LAMA2: variants seen among roughly 807,000 people sequenced by gnomAD.
The protein encoded by LAMA2 is laminin subunit alpha 2, also known as laminin subunit alpha-2.
A neutral mutation model predicts 364.8 loss-of-function variants in LAMA2; 269 were observed. That is an observed-to-expected ratio of 0.74 (90% CI 0.67 to 0.82). The LOEUF (loss-of-function observed/expected upper bound fraction) is 0.82, where lower values mean the gene tolerates loss of function less well. LAMA2 is among the 40% of genes least tolerant of loss of function. The probability of loss-of-function intolerance (pLI) is 0.00; values close to 1 mark genes in which losing one functional copy is unlikely to be tolerated. For missense variants in LAMA2, 3,807 were observed against 3,873.2 expected, an observed-to-expected ratio of 0.98 and a Z score of 0.45; for synonymous variants, 1,379 against 1,370.6, an observed-to-expected ratio of 1.01 and a Z score of -0.14.
intron 1 of LAMA2, among the ~76,000 whole-genome samples, chr6:128,995,536 C>T (rs745587676): frequency 2.6e-5 from 4 of 152,146 alleles, no homozygotes; most frequent in Non-Finnish European, 4.4e-5. Flanking sequence ...GTTGGCCGGG[C>T]TGGTCTTGAA....
intron 15 of LAMA2, among the ~76,000 whole-genome samples, chr6:129,263,307 A>G (rs1337059570): frequency 1.3e-5 from 2 of 152,202 alleles, no homozygotes; most frequent in Non-Finnish European, 2.9e-5. Context: ...CAGAAAGCAA[A>G]TAGAAATAAA....
chr6:129,032,019 C>T (rs1032410025), intron 1 of LAMA2, among the ~76,000 whole-genome samples: 1 of 152,078 alleles, frequency 6.6e-6, no homozygotes, highest in African/African-American at 2.4e-5. Context: ...AGGGTTTGGC[C>T]ATGTTGGCCA....
chr6:129,398,584 C>T lies in LAMA2; in HGVS notation c.5446-2640C>T, dbSNP rs577054087. On this transcript the variant is annotated intron_variant, in intron 37 of 64. Coordinates refer to ENST00000421865, the MANE Select transcript of LAMA2 (RefSeq NM_000426.4). ...TCCACCTCTCAGGTCAAGTGATTCT[C>T]CTGCCTCAGCCTCCCAAGTAGCTGA... Among the ~76,000 whole-genome samples the T allele has an allele frequency of 8.2e-5, 12 of 147,012 alleles. No homozygotes were observed. In the South Asian group the frequency reaches 2.2e-3, roughly 26 times the overall value.
At chr6:129,035,239 T>C (rs1786537690) in intron 1 of LAMA2, among the ~76,000 whole-genome samples, 1 of 152,008 alleles carries the variant, frequency 6.6e-6, no homozygotes, top group African/African-American at 2.4e-5. Flanking sequence ...TGATTAGTGA[T>C]ACTGAGCATT....
chr6:129,221,159 T>C (rs371438707), intron 12 of LAMA2, among the ~76,000 whole-genome samples: 20 of 86,888 alleles, frequency 2.3e-4, no homozygotes, highest in African/African-American at 4.7e-4. Context: ...CAAGACTCCA[T>C]CTCAAAAAAA....
intron 1 of LAMA2, among the ~76,000 whole-genome samples, chr6:128,917,233 A>T (rs951057740): frequency 1.3e-5 from 2 of 152,034 alleles, no homozygotes; most frequent in Non-Finnish European, 2.9e-5. Flanking sequence ...ACTTACTACA[A>T]TTAGAAACTA....
At chr6:129,084,896 T>C (rs1358652835) in intron 3 of LAMA2, among the ~76,000 whole-genome samples, 1 of 152,220 alleles carries the variant, frequency 6.6e-6, no homozygotes, top group Non-Finnish European at 1.5e-5. Context: ...GATATCTGTT[T>C]ACACATATGT....
At chr6:129,275,074 T>C (rs1322345793) in intron 17 of LAMA2, among the ~76,000 whole-genome samples, 1 of 152,018 alleles carries the variant, frequency 6.6e-6, no homozygotes, top group African/African-American at 2.4e-5. Flanking sequence ...ATTTAAGTTT[T>C]TGAAAGAATG....
At chr6:128,990,758 G>GGT (rs141214507) in intron 1 of LAMA2, among the ~76,000 whole-genome samples, 14,009 of 151,536 alleles carry the variant, frequency 0.092, 732 homozygotes, top group East Asian at 0.16. Flanking sequence ...TCATTGTGTG[G>GGT]GTGTGTGTGT....
At chr6:128,937,867 AAAGTT>A (rs1779923493) in intron 1 of LAMA2, among the ~76,000 whole-genome samples, 3 of 151,360 alleles carry the variant, frequency 2.0e-5, no homozygotes, top group Non-Finnish European at 4.4e-5. Flanking sequence ...CTTGAGGTAT[AAAGTT>A]AAGTTGTTCA....
chr6:128,886,406 C>T (rs192114787), intron 1 of LAMA2, among the ~76,000 whole-genome samples: 106 of 152,136 alleles, frequency 7.0e-4, no homozygotes, highest in African/African-American at 1.9e-3. Flanking sequence ...GCAGCAAGTT[C>T]GATATGAACA....
Position 129,416,617 on chromosome 6 carries a change from T to G in LAMA2, c.5866-11135T>G, listed in dbSNP as rs775931402. 6.6e-4 allele frequency among the ~76,000 whole-genome samples: 101 copies of G among 152,186 alleles called. 1 individual carries two copies. Among genetic ancestry groups the G allele is most frequent in the Non-Finnish European group, 1.3e-4 (9 of 68,030 alleles). ...GTGGGGGCTTGTATAAGGGAAGTTC[T>G]GATGTCACAGGATCCTTGGGGTGTT... On this transcript the variant is annotated intron_variant, in intron 40 of 64. Coordinates refer to ENST00000421865, the MANE Select transcript of LAMA2 (RefSeq NM_000426.4).
chr6:129,307,965 T>C (rs1460588012), intron 22 of LAMA2, among the ~76,000 whole-genome samples: 1 of 152,214 alleles, frequency 6.6e-6, no homozygotes, highest in African/African-American at 2.4e-5. Context: ...TTTTTCCTGC[T>C]GAGTTAGCAC....
chr6:129,420,332 A>G (rs1781014788), intron 40 of LAMA2, among the ~76,000 whole-genome samples: 1 of 152,104 alleles, frequency 6.6e-6, no homozygotes, highest in South Asian at 2.1e-4. Context: ...TAACATACCA[A>G]ACTCTAAATT....
intron 2 of LAMA2, among the ~76,000 whole-genome samples, chr6:129,053,920 G>A (rs9689594): frequency 6.6e-6 from 1 of 151,978 alleles, no homozygotes; most frequent in Non-Finnish European, 1.5e-5. Flanking sequence ...TAGATGCTTG[G>A]GGGGAAAGGC....
At chr6:129,413,148 G>T (rs969752311) in intron 40 of LAMA2, among the ~76,000 whole-genome samples, 1 of 152,050 alleles carries the variant, frequency 6.6e-6, no homozygotes, top group Non-Finnish European at 1.5e-5. Context: ...AAGAAAGCTG[G>T]TATGCTACCA....
intron 1 of LAMA2, among the ~76,000 whole-genome samples, chr6:128,905,082 A>C (rs145029678): frequency 6.6e-5 from 10 of 152,330 alleles, no homozygotes; most frequent in African/African-American, 2.4e-4. Context: ...AAGTTCTAGA[A>C]ACTGGATAAC....
At chr6:128,947,507 A>G (rs968981150) in intron 1 of LAMA2, among the ~76,000 whole-genome samples, 1 of 152,226 alleles carries the variant, frequency 6.6e-6, no homozygotes, top group Non-Finnish European at 1.5e-5. Flanking sequence ...CTCTCAATCC[A>G]TATATGTGAA....
chr6:129,023,983 C>G (rs1785627838), intron 1 of LAMA2, among the ~76,000 whole-genome samples: 1 of 152,090 alleles, frequency 6.6e-6, no homozygotes, highest in Admixed American at 6.6e-5. Context: ...TAGGTATAGA[C>G]TGAATGCTCC....
Sources: gnomAD v4.1 joint callset for allele counts (sites outside exome capture counted in the v4.1 genomes callset) on GRCh38, gnomAD v4.1.1 for gene constraint, MANE v1.5 for transcripts, NCBI Gene and HGNC (gene_info 2026-07-23, HGNC 2026-07-21) for gene names.